The following VPS13B variants were observed in gnomAD, a reference collection of about 807,000 sequenced individuals.
The protein encoded by VPS13B is vacuolar protein sorting 13 homolog B, also known as intermembrane lipid transfer protein VPS13B.
VPS13B carries 285 observed loss-of-function variants against 426.4 expected under a neutral mutation model. That is an observed-to-expected ratio of 0.67 (90% CI 0.61 to 0.74). The LOEUF (loss-of-function observed/expected upper bound fraction) is 0.74, where lower values mean the gene tolerates loss of function less well. VPS13B is among the 30% of genes least tolerant of loss of function. The pLI, the probability that VPS13B is intolerant of heterozygous loss-of-function variation, is 0.00. For synonymous variants in VPS13B, 1,676 were observed against 1,676.4 expected (o/e 1.00, Z 0.01); for missense variants, 4,537 against 4,782.6 (o/e 0.95, Z 1.51).
At chr8:99,837,502 T>C (rs1381778980) in intron 54 of VPS13B, among the ~76,000 whole-genome samples, 1 of 152,234 alleles carries the variant, frequency 6.6e-6, no homozygotes, top group African/African-American at 2.4e-5. Flanking sequence ...ACATTCTTCC[T>C]GTCAAACCTT....
chr8:99,326,753 T>G (rs1810301650), intron 19 of VPS13B, among the ~76,000 whole-genome samples: 1 of 152,082 alleles, frequency 6.6e-6, no homozygotes, highest in African/African-American at 2.4e-5. Context: ...AAATATATCA[T>G]TTATCACAAT....
chr8:99,301,066 A>C (rs1485067140), intron 19 of VPS13B, among the ~76,000 whole-genome samples: 1 of 151,792 alleles, frequency 6.6e-6, no homozygotes, highest in East Asian at 1.9e-4. Flanking sequence ...AAATACCAAA[A>C]TTAGTTGGGT....
chr8:99,051,847 A>G (rs1373548788), intron 3 of VPS13B, among the ~76,000 whole-genome samples: 1 of 152,210 alleles, frequency 6.6e-6, no homozygotes, highest in Non-Finnish European at 1.5e-5. Flanking sequence ...TTACTGGTGT[A>G]TAAGAATGCT....
intron 7 of VPS13B, among the ~76,000 whole-genome samples, chr8:99,120,839 G>GT (rs1847898467): frequency 6.6e-6 from 1 of 151,998 alleles, no homozygotes; most frequent in Non-Finnish European, 1.5e-5. Flanking sequence ...TGAGAGGTAG[G>GT]TTTTTTGTTG....
At chr8:99,228,387 G>A (rs992327192) in intron 17 of VPS13B, among the ~76,000 whole-genome samples, 1 of 151,926 alleles carries the variant, frequency 6.6e-6, no homozygotes, top group African/African-American at 2.4e-5. Flanking sequence ...ATTTTTCCTT[G>A]GTAACTAATA....
At chr8:99,470,529 G>T (rs1469941511) in intron 24 of VPS13B, among the ~76,000 whole-genome samples, 1 of 152,078 alleles carries the variant, frequency 6.6e-6, no homozygotes, top group Admixed American at 6.6e-5. Context: ...TGGGCTTAAA[G>T]GTAGCTTGGA....
chr8:99,866,033 A>G (rs546285016), intron 58 of VPS13B, among the ~76,000 whole-genome samples: 6 of 152,322 alleles, frequency 3.9e-5, no homozygotes, highest in African/African-American at 1.4e-4. Flanking sequence ...TGCGGGGTGC[A>G]GCACTCACTC....
chr8:99,788,371 G>A (rs1812373833), intron 43 of VPS13B, among the ~76,000 whole-genome samples: 1 of 132,466 alleles, frequency 7.5e-6, no homozygotes. Flanking sequence ...GCAATATAAT[G>A]AGACCCCATC....
intron 59 of VPS13B, among the ~76,000 whole-genome samples, chr8:99,868,920 T>G (rs906374596): frequency 3.3e-5 from 5 of 152,150 alleles, no homozygotes; most frequent in Non-Finnish European, 5.9e-5. Context: ...ATCCTGCCCC[T>G]CGCAGCCAGG....
At chr8:99,296,187 T>G (rs1373507663) in intron 19 of VPS13B, among the ~76,000 whole-genome samples, 1 of 152,206 alleles carries the variant, frequency 6.6e-6, no homozygotes, top group Non-Finnish European at 1.5e-5. Context: ...AGTTTGGAGT[T>G]TATTCATTTG....
Position 99,818,815 on chromosome 8 carries a change from C to T in VPS13B, c.8548C>T (p.Pro2850Ser), listed in dbSNP as rs1452503935. The change falls in exon 47 of 62, where the codon CCA becomes TCA. Residue 2850 changes from proline (P) to serine (S), a missense_variant. Around this residue, in one of 2 missense-constraint regions of VPS13B, gnomAD observed 4,311 missense variants for 4,474.3 expected, o/e 0.96. Transcript: ENST00000357162. Reference sequence around the variant, plus strand: ...GGGATTGAGTGAAACACAAATTATTCCAGGAAAAGGGCAGGAAAAACCACT... The same window carrying T: ...GGGATTGAGTGAAACACAAATTATTTCAGGAAAAGGGCAGGAAAAACCACT... ...SLGLSETQII[P>S]GKGQEKPLQN... 1.4e-5 allele frequency: 22 copies of T among 1,613,852 alleles called. No homozygotes were observed. Among genetic ancestry groups the T allele is most frequent in the Non-Finnish European group, 1.9e-5 (22 of 1,179,968 alleles).
chr8:99,296,480 T>C (rs978085293), intron 19 of VPS13B, among the ~76,000 whole-genome samples: 9 of 152,190 alleles, frequency 5.9e-5, no homozygotes, highest in Non-Finnish European at 2.9e-5. Flanking sequence ...AATGGAAACC[T>C]GGACTGAATG....
Position 99,718,306 on chromosome 8 carries a change from T to A in VPS13B, c.6657+933T>A, listed in dbSNP as rs541675047. ...ATGTTGTTGAGGCTATAGATTTTTT[T>A]AATTATTAATACAAAGTAGTCAACC... On this transcript the variant is annotated intron_variant, in intron 37 of 61. Coordinates refer to ENST00000357162, the MANE Select transcript of VPS13B (RefSeq NM_152564.5). 8.5e-5 allele frequency among the ~76,000 whole-genome samples: 13 copies of A among 152,232 alleles called. 1 individual carries two copies. The highest frequency in any genetic ancestry group is 7.7e-4 in the East Asian group (4 of 5,190).
intron 39 of VPS13B, among the ~76,000 whole-genome samples, chr8:99,750,318 C>T (rs1215077899): frequency 6.6e-6 from 1 of 152,074 alleles, no homozygotes; most frequent in East Asian, 1.9e-4. Context: ...TCCCCTGTCT[C>T]CAACCAGGTG....
chr8:99,153,679 C>T (rs1044473728), intron 14 of VPS13B, among the ~76,000 whole-genome samples: 2 of 152,118 alleles, frequency 1.3e-5, no homozygotes, highest in East Asian at 1.9e-4. Flanking sequence ...CACAATCATA[C>T]GTAATTACTT....
intron 39 of VPS13B, among the ~76,000 whole-genome samples, chr8:99,764,540 A>T (rs1811110295): frequency 6.6e-6 from 1 of 150,558 alleles, no homozygotes; most frequent in Non-Finnish European, 1.5e-5. Flanking sequence ...CAGCCTCCTG[A>T]ATAGCTGGGA....
intron 35 of VPS13B, among the ~76,000 whole-genome samples, chr8:99,689,618 G>A (rs1460163016): frequency 6.6e-6 from 1 of 152,150 alleles, no homozygotes; most frequent in Non-Finnish European, 1.5e-5. Flanking sequence ...GGGAGTTTGA[G>A]GCCAACCTGG....
At chr8:99,504,969 G>A (rs1238254450) in intron 27 of VPS13B, among the ~76,000 whole-genome samples, 1 of 152,184 alleles carries the variant, frequency 6.6e-6, no homozygotes, top group African/African-American at 2.4e-5. Context: ...ATAACTTGCT[G>A]CCACTTATCC....
intron 19 of VPS13B, among the ~76,000 whole-genome samples, chr8:99,344,547 A>G (rs375627137): frequency 6.6e-5 from 10 of 152,216 alleles, no homozygotes; most frequent in East Asian, 5.8e-4. Flanking sequence ...TTCCTTTAGA[A>G]GAGCAAGAGA....
Sources: allele counts gnomAD v4.1 joint callset (sites outside exome capture counted in the v4.1 genomes callset), GRCh38; gene constraint gnomAD v4.1.1; regional missense constraint gnomAD v4.1.1; transcripts MANE v1.5; gene names NCBI Gene and HGNC (gene_info 2026-07-23, HGNC 2026-07-21).